ZDHHC23: variants seen among roughly 807,000 people sequenced by gnomAD.
ZDHHC23 encodes palmitoyltransferase ZDHHC23.
In ZDHHC23, 41 loss-of-function variants were observed where a neutral mutation model predicts 40.2. The observed-to-expected ratio is 1.02, with a 90% CI of 0.79 to 1.32. The LOEUF (loss-of-function observed/expected upper bound fraction) is 1.32, where lower values mean the gene tolerates loss of function less well. Ranked by LOEUF, ZDHHC23 falls within the 40% of genes most tolerant of loss-of-function variation. The pLI, the probability that ZDHHC23 is intolerant of heterozygous loss-of-function variation, is 0.00. For missense variants in ZDHHC23, 471 were observed against 541.5 expected, an observed-to-expected ratio of 0.87 and a Z score of 1.29; for synonymous variants, 204 against 210.2, an observed-to-expected ratio of 0.97 and a Z score of 0.26.
Position 113,959,610 on chromosome 3 carries a change from C to A in ZDHHC23, c.*980C>A. ...TTTACTCTCTTTTCTGGTAGGAAGG[C>A]TGAGTAACATCACGGGCTCGATTAT... On this transcript the variant is annotated 3_prime_UTR_variant, in exon 5 of 5. Coordinates refer to ENST00000638807, the MANE Select transcript of ZDHHC23 (RefSeq NM_001320466.2). 1.7e-6 allele frequency: 2 copies of A among 1,205,158 alleles called. No individual in the cohort carries two copies. The highest frequency in any genetic ancestry group is 1.1e-6 in the Non-Finnish European group (1 of 928,234). The allele number at this position is 1,205,158 out of a possible 1,614,324, so 74.7% of individuals were successfully genotyped here.
downstream of ZDHHC23, chr3:113,965,121 G>A (rs757162059): frequency 3.5e-6 from 5 of 1,414,518 alleles, no homozygotes; most frequent in East Asian, 4.7e-5. Flanking sequence ...CAGACTAGTC[G>A]AGCTTCCTGT....
the ZDHHC23 span, among the ~76,000 whole-genome samples, chr3:113,977,113 A>G: frequency 2.0e-5 from 3 of 152,158 alleles, no homozygotes; most frequent in African/African-American, 4.8e-5. Context: ...ACCAGTCAAC[A>G]TGGTGAAACC....
the ZDHHC23 span, among the ~76,000 whole-genome samples, chr3:113,975,172 A>G: frequency 6.6e-6 from 1 of 152,204 alleles, no homozygotes; most frequent in African/African-American, 2.4e-5. Context: ...TAGCAAGACA[A>G]TATCAGACAT....
the ZDHHC23 span, chr3:113,978,672 A>T: frequency 1.5e-6 from 1 of 668,722 alleles, no homozygotes; most frequent in Non-Finnish European, 2.5e-6. Flanking sequence ...ACACAGGCTT[A>T]GGATTTTACA....
rs773572816 is a variant in ZDHHC23 at position 113,953,819 on chromosome 3, C to T, written c.281C>T (p.Pro94Leu). 6.2e-7 allele frequency: 1 copy of T among 1,614,204 alleles called. No individual in the cohort carries two copies. Among genetic ancestry groups the T allele is most frequent in the Non-Finnish European group, 8.5e-7 (1 of 1,180,038 alleles). Residue 94 changes from proline to leucine, a missense_variant, in exon 3 of 5, where the codon CCT becomes CTT. By Grantham distance (98) the Pro-to-Leu change is moderately conservative. Transcript: ENST00000638807. Reference sequence around the variant, plus strand: ...AAAAAAGTGAACATCAGCATCATCCCTCCGCTTGTCCTGCTGCCTGTCTTC... The same window carrying T: ...AAAAAAGTGAACATCAGCATCATCCTTCCGCTTGTCCTGCTGCCTGTCTTC... ...GAKKVNISII[P>L]PLVLLPVFLH...
At position 113,959,543 on chromosome 3, in the gene ZDHHC23, A is replaced by T; in HGVS notation, c.*913A>T. On this transcript the variant is annotated 3_prime_UTR_variant, in exon 5 of 5. Transcript: ENST00000638807. ...CAGGTAAGGTGCTAGCACACTTGTG[A>T]CTGTGGCTGGAAGAGGAGAACAGAC... 7.9e-7 allele frequency: 1 copy of T among 1,271,860 alleles called. No homozygotes were observed. Among genetic ancestry groups the T allele is most frequent in the Non-Finnish European group, 1.0e-6 (1 of 974,802 alleles). 78.8% of individuals were successfully genotyped at this position (1,271,860 alleles called of 1,614,324 possible). A position where few individuals can be genotyped will look rare whatever the true frequency, so the allele number is the denominator to read the frequency against.
At chr3:113,969,752 T>G (rs7638944), downstream of ZDHHC23, among the ~76,000 whole-genome samples, 4,811 of 152,262 alleles carry the variant, frequency 0.032, 233 homozygotes, top group African/African-American at 0.11. Flanking sequence ...TTACTATAGC[T>G]TTGTAGTAAA....
intron 3 of ZDHHC23, among the ~76,000 whole-genome samples, chr3:113,955,147 G>A (rs75944362): frequency 0.033 from 5,022 of 152,286 alleles, 290 homozygotes; most frequent in African/African-American, 0.11. Flanking sequence ...ATGAATTAAT[G>A]CTTTTCGTGT....
rs1236545519 is a variant in ZDHHC23 at position 113,955,398 on chromosome 3, GTGTT to G, written c.873-940_873-937del. ...TGTGTGTGTGTGTGTGTGTGCGTGT[GTGTT>G]CCATTTACAAATGCTGGTTTGCAGA... On this transcript the variant is annotated intron_variant, in intron 3 of 4. Transcript: ENST00000638807. Among the ~76,000 whole-genome samples the G allele has an allele frequency of 4.6e-5, 7 of 151,892 alleles. No homozygotes were observed. The South Asian group carries it at 6.2e-4, about 14-fold the overall frequency.
chr3:113,951,319 C>T (rs1040931167), intron 2 of ZDHHC23, among the ~76,000 whole-genome samples: 4 of 152,174 alleles, frequency 2.6e-5, no homozygotes, highest in African/African-American at 4.8e-5. Flanking sequence ...GCCTCGGTCC[C>T]GAGGCTCTCC....
At chr3:113,967,668 T>C (rs571022564), downstream of ZDHHC23, among the ~76,000 whole-genome samples, 1 of 152,156 alleles carries the variant, frequency 6.6e-6, no homozygotes, top group South Asian at 2.1e-4. Flanking sequence ...TCTGGTTATT[T>C]TGAAATGCAC....
the ZDHHC23 span, among the ~76,000 whole-genome samples, chr3:113,971,439 A>T: frequency 1.3e-5 from 2 of 152,120 alleles, no homozygotes; most frequent in African/African-American, 4.8e-5. Flanking sequence ...AAATAATTAT[A>T]TGGCTTTTGT....
At position 113,954,636 on chromosome 3, in the gene ZDHHC23, G is replaced by A. The variant is rs1938996628; in HGVS notation, c.872+226G>A. ...AAGGAGAATAACAGAAAACTTGTGGGGTTTTTTTTTTCTCAATTTTCTTTT... is the reference window on the plus strand; with the variant it reads ...AAGGAGAATAACAGAAAACTTGTGGAGTTTTTTTTTTCTCAATTTTCTTTT... On this transcript the variant is annotated intron_variant, in intron 3 of 4. Coordinates refer to ENST00000638807, the MANE Select transcript of ZDHHC23 (RefSeq NM_001320466.2). 2.0e-5 allele frequency among the ~76,000 whole-genome samples: 3 copies of A among 151,190 alleles called. No individual in the cohort carries two copies. In the South Asian group the frequency reaches 6.2e-4, roughly 31 times the overall value.
Position 113,948,668 on chromosome 3 carries a change from T to G in ZDHHC23, c.-117-18T>G, listed in dbSNP as rs1295310063. ...CGGGACCCCCTCCCCCTCTCTCTTC[T>G]CATTTTTGATTGCTCAGGCGTTGGA... On this transcript the variant is annotated intron_variant, in intron 1 of 4. Coordinates refer to ENST00000638807, the MANE Select transcript of ZDHHC23 (RefSeq NM_001320466.2). The G allele has an allele frequency of 9.5e-7, 1 of 1,056,964 alleles. No homozygotes were observed. The highest frequency in any genetic ancestry group is 1.3e-6 in the Non-Finnish European group (1 of 741,256). The allele number at this position is 1,056,964 out of a possible 1,614,324, so 65.5% of individuals were successfully genotyped here. A position where few individuals can be genotyped will look rare whatever the true frequency, so the allele number is the denominator to read the frequency against.
At chr3:113,957,061 TAG>T in intron 4 of ZDHHC23, among the ~76,000 whole-genome samples, 2 of 152,230 alleles carry the variant, frequency 1.3e-5, no homozygotes, top group African/African-American at 4.8e-5. Flanking sequence ...CTGTGATATG[TAG>T]GTCAAAATTT....
At chr3:113,952,518 A>T (rs1031749388) in intron 2 of ZDHHC23, among the ~76,000 whole-genome samples, 1 of 152,010 alleles carries the variant, frequency 6.6e-6, no homozygotes, top group African/African-American at 2.4e-5. Context: ...ATAGTCTAGG[A>T]TTTTTCCCAG....
the ZDHHC23 span, chr3:113,978,038 C>T: frequency 1.3e-6 from 1 of 766,904 alleles, no homozygotes. Flanking sequence ...TATTACATTG[C>T]TGGTGAGCCG....
At chr3:113,963,452 A>C, downstream of ZDHHC23, 1 of 151,908 alleles carries the variant, frequency 6.6e-6, no homozygotes. Context: ...CATTTAAAGA[A>C]AACTGGTGGC....
chr3:113,965,145 C>G (rs547428603), downstream of ZDHHC23: 121 of 1,568,560 alleles, frequency 7.7e-5, no homozygotes, highest in South Asian at 1.4e-3. Context: ...AAATATTACA[C>G]TAATCTGGCT....
Sources: gnomAD v4.1 joint callset for allele counts (sites outside exome capture counted in the v4.1 genomes callset) on GRCh38, gnomAD v4.1.1 for gene constraint, MANE v1.5 for transcripts, NCBI Gene and HGNC (gene_info 2026-07-23, HGNC 2026-07-21) for gene names.